Variants in PPP6R3 observed in about 807,000 individuals in gnomAD.
The protein encoded by PPP6R3 is protein phosphatase 6 regulatory subunit 3, also known as serine/threonine-protein phosphatase 6 regulatory subunit 3.
In PPP6R3, 38 loss-of-function variants were observed where a neutral mutation model predicts 110.7. The ratio of observed to expected loss-of-function variants is 0.34; its 90% CI spans 0.26 to 0.45. PPP6R3 has a LOEUF of 0.45. PPP6R3 is among the 20% of genes least tolerant of loss of function. The probability of loss-of-function intolerance (pLI) is 1.00; values close to 1 mark genes in which losing one functional copy is unlikely to be tolerated. For missense variants in PPP6R3, 870 were observed against 1,062.4 expected (o/e 0.82, Z 2.52); for synonymous variants, 369 against 373.5 (o/e 0.99, Z 0.14).
At position 68,531,372 on chromosome 11, in the gene PPP6R3, C is replaced by T. The variant is rs73521428; in HGVS notation, c.-6-6287C>T. 8.1e-3 allele frequency among the ~76,000 whole-genome samples: 1,216 copies of T among 150,728 alleles called. 17 individuals are homozygous for T. The highest frequency in any genetic ancestry group is 0.029 in the African/African-American group (1,175 of 41,040). On this transcript the variant is annotated intron_variant, in intron 2 of 23. Coordinates refer to ENST00000393800, the MANE Select transcript of PPP6R3 (RefSeq NM_001164161.2). ...ATTTAAATTTTAGGACAGGGTCTCACTCTTGTTCAGGCCGGTTTGCAGTGG... is the reference window on the plus strand; with the variant it reads ...ATTTAAATTTTAGGACAGGGTCTCATTCTTGTTCAGGCCGGTTTGCAGTGG...
At chr11:68,556,366 A>G (rs940363354) in intron 7 of PPP6R3, among the ~76,000 whole-genome samples, 1 of 152,186 alleles carries the variant, frequency 6.6e-6, no homozygotes, top group Non-Finnish European at 1.5e-5. Context: ...GCTTAAATTG[A>G]ATGCATTTTA....
chr11:68,556,881 GTTA>G (rs2099401637), intron 7 of PPP6R3, among the ~76,000 whole-genome samples: 1 of 152,202 alleles, frequency 6.6e-6, no homozygotes, highest in South Asian at 2.1e-4. Flanking sequence ...GTTTTCGCTG[GTTA>G]TTATGTTTTT....
intron 1 of PPP6R3, among the ~76,000 whole-genome samples, chr11:68,476,296 A>T (rs1294559655): frequency 6.6e-6 from 1 of 152,150 alleles, no homozygotes; most frequent in Non-Finnish European, 1.5e-5. Context: ...CCCCGTCTCC[A>T]CCAAAAAAAT....
rs11309470 is a variant in PPP6R3 at position 68,613,898 on chromosome 11, A to ATTTTTTTTTTTTTTTTTTTGTTTTTTTT, written c.*799_*800insTGTTTTTTTTTTTTTTTTTTTTTTTTTT. 1 of 798,220 alleles carries ATTTTTTTTTTTTTTTTTTTGTTTTTTTT rather than the reference A, an allele frequency of 1.3e-6. No homozygotes were observed. The allele number at this position is 798,220 out of a possible 1,614,324, so 49.4% of individuals were successfully genotyped here. ...GAGTGTATATGGCTTGTGTTTTGGG[A>ATTTTTTTTTTTTTTTTTTTGTTTTTTTT]TTTTTTTTTTTTTTTTTTGGCTTTT... On this transcript the variant is annotated 3_prime_UTR_variant, in exon 24 of 24. Transcript: ENST00000393800.
intron 2 of PPP6R3, among the ~76,000 whole-genome samples, chr11:68,532,671 G>A (rs2099247666): frequency 6.6e-6 from 1 of 152,184 alleles, no homozygotes; most frequent in East Asian, 1.9e-4. Context: ...CCTAATGACT[G>A]ATATGAATGA....
At chr11:68,489,348 T>G (rs1293761890) in intron 1 of PPP6R3, among the ~76,000 whole-genome samples, 1 of 152,214 alleles carries the variant, frequency 6.6e-6, no homozygotes, top group Non-Finnish European at 1.5e-5. Flanking sequence ...TTGATCATTT[T>G]ATATGATTTC....
At chr11:68,593,172 T>C (rs1264039766) in intron 18 of PPP6R3, among the ~76,000 whole-genome samples, 2 of 151,540 alleles carry the variant, frequency 1.3e-5, no homozygotes, top group Non-Finnish European at 2.9e-5. Context: ...TCATGATCTT[T>C]TGTAATACCT....
At chr11:68,544,796 A>C (rs2099342311) in intron 3 of PPP6R3, 42 bp from the exon 4 acceptor site, 2 of 1,343,298 alleles carry the variant, frequency 1.5e-6, no homozygotes, top group South Asian at 2.8e-5. Flanking sequence ...ATGTAATTAA[A>C]CTGTTAATAA....
intron 2 of PPP6R3, among the ~76,000 whole-genome samples, chr11:68,534,947 T>C (rs1306639431): frequency 1.3e-5 from 2 of 152,224 alleles, no homozygotes; most frequent in East Asian, 3.8e-4. Context: ...TATCTTTTGG[T>C]ATACTTTTGT....
At chr11:68,505,299 G>A (rs2099069898) in intron 1 of PPP6R3, 1 of 152,088 alleles carries the variant, frequency 6.6e-6, no homozygotes. Flanking sequence ...CATTACTACT[G>A]TTTGAATGAA....
At chr11:68,485,261 T>C (rs2098939200) in intron 1 of PPP6R3, among the ~76,000 whole-genome samples, 2 of 150,320 alleles carry the variant, frequency 1.3e-5, no homozygotes, top group African/African-American at 4.9e-5. Flanking sequence ...TAATGGCTTA[T>C]AAGTTCTGGG....
At chr11:68,477,741 A>AAAAAAAATATATAT in intron 1 of PPP6R3, among the ~76,000 whole-genome samples, 38 of 57,902 alleles carry the variant, frequency 6.6e-4, no homozygotes, top group Non-Finnish European at 1.1e-3. Context: ...AAAAAAAAAA[A>AAAAAAAATATATAT]ATATATATAT....
At chr11:68,527,643 A>T (rs1359864810) in intron 2 of PPP6R3, among the ~76,000 whole-genome samples, 1 of 152,204 alleles carries the variant, frequency 6.6e-6, no homozygotes, top group Non-Finnish European at 1.5e-5. Flanking sequence ...TTATTAAAAT[A>T]CTTTGTTGAA....
At chr11:68,559,160 T>C (rs531324487) in intron 8 of PPP6R3, among the ~76,000 whole-genome samples, 72 of 152,390 alleles carry the variant, frequency 4.7e-4, no homozygotes, top group Middle Eastern at 3.4e-3. Flanking sequence ...TTGAGGGCAC[T>C]TGAGCAGAGG....
chr11:68,570,023 T>TC (rs2099496573), intron 11 of PPP6R3, 126 bp downstream of exon 11: 3 of 868,292 alleles, frequency 3.5e-6, no homozygotes, highest in Non-Finnish European at 5.1e-6. Context: ...TATTTGACAA[T>TC]CATGTGTTCG....
At chr11:68,462,319 A>G (rs74897485) in intron 1 of PPP6R3, among the ~76,000 whole-genome samples, 2,079 of 152,328 alleles carry the variant, frequency 0.014, 57 homozygotes, top group African/African-American at 0.047. Context: ...AAGTAAAACT[A>G]TAAGTTATTT....
rs1346036684 is a variant in PPP6R3, at chr11:68,542,398, T to TTGTTTTTGTTTTTG, written c.228-2439_228-2438insGTTTTTGTTTTTGT. Among the ~76,000 whole-genome samples, 10 of 111,746 alleles carry TTGTTTTTGTTTTTG rather than the reference T, an allele frequency of 8.9e-5. 1 individual carries two copies. The highest frequency in any genetic ancestry group is 1.3e-4 in the Non-Finnish European group (7 of 54,856). The allele number at this position is 111,746 out of a possible 152,430, so 73.3% of individuals were successfully genotyped here. On this transcript the variant is annotated intron_variant, in intron 3 of 23. Coordinates refer to ENST00000393800, the MANE Select transcript of PPP6R3 (RefSeq NM_001164161.2). ...TGCTTGAGAAGCTGCTGTTTTTTTT[T>TTGTTTTTGTTTTTG]TTTTTTTTTTTTTAAGACAGAGTCT...
chr11:68,542,368 T>C (rs1042684047), intron 3 of PPP6R3, among the ~76,000 whole-genome samples: 1 of 128,704 alleles, frequency 7.8e-6, no homozygotes, highest in African/African-American at 2.9e-5. Context: ...GGAGGCATCT[T>C]TGGGTGCTTG....
At position 68,575,894 on chromosome 11, in the gene PPP6R3, A is replaced by G. The variant is rs1285464255; in HGVS notation, c.1460-64A>G. ...AGGCCCACTTTTATATTACCTGCTT[A>G]CTTTATTTGTCTCCGTGGAGGTCAT... On this transcript the variant is annotated intron_variant, in intron 13 of 23. Transcript: ENST00000393800. The G allele has an allele frequency of 6.5e-6, 8 of 1,235,138 alleles. No homozygotes were observed. The East Asian group carries it at 1.4e-4, about 22-fold the overall frequency. 76.5% of individuals were successfully genotyped at this position (1,235,138 alleles called of 1,614,324 possible). A position where few individuals can be genotyped will look rare whatever the true frequency, so the allele number is the denominator to read the frequency against.
Sources: allele counts gnomAD v4.1 joint callset (sites outside exome capture counted in the v4.1 genomes callset), GRCh38; gene constraint gnomAD v4.1.1; transcripts MANE v1.5; gene names NCBI Gene and HGNC (gene_info 2026-07-23, HGNC 2026-07-21).